Variants in TUSC3 observed in about 807,000 individuals in gnomAD.
TUSC3 encodes the protein dolichyl-diphosphooligosaccharide--protein glycosyltransferase subunit TUSC3.
TUSC3 carries 45 observed loss-of-function variants against 44.8 expected under a neutral mutation model. That is an observed-to-expected ratio of 1.00 (90% CI 0.79 to 1.29). The LOEUF is 1.29. Among genes scored for constraint, TUSC3 ranks in the 50% most tolerant of loss-of-function variants. TUSC3 has a pLI of 0.00. For synonymous variants in TUSC3, 212 were observed against 152.9 expected, an observed-to-expected ratio of 1.39 and a Z score of -2.85; for missense variants, 519 against 437.9, an observed-to-expected ratio of 1.19 and a Z score of -1.65.
chr8:15,633,994 C>G (rs957428719), intron 2 of TUSC3, among the ~76,000 whole-genome samples: 4 of 152,186 alleles, frequency 2.6e-5, no homozygotes, highest in African/African-American at 7.2e-5. Context: ...CCCCAGGTAT[C>G]TGAAGGCTAG....
chr8:15,559,583 G>T lies in TUSC3; in HGVS notation c.138+19015G>T, dbSNP rs1481961041. Among the ~76,000 whole-genome samples, 2 of 140,886 alleles carry T rather than the reference G, an allele frequency of 1.4e-5. 1 individual carries two copies. The highest frequency in any genetic ancestry group is 4.4e-4 in the East Asian group (2 of 4,548). 92.4% of individuals were successfully genotyped at this position (140,886 alleles called of 152,430 possible). The stretch of plus-strand genomic sequence containing the variant: ...TGTTGACTTTCTGTCTCGTTGATCT[G>T]TCTAATGTTGACGGTGGGGTGCTAA... On this transcript the variant is annotated intron_variant, in intron 1 of 10. Coordinates refer to ENST00000503731, the MANE Select transcript of TUSC3 (RefSeq NM_006765.4).
At chr8:15,744,438 T>G (rs1017204820) in intron 8 of TUSC3, among the ~76,000 whole-genome samples, 5 of 152,146 alleles carry the variant, frequency 3.3e-5, no homozygotes, top group Non-Finnish European at 1.5e-5. Flanking sequence ...ATTTTTTTCT[T>G]TCTTTGCATT....
At chr8:15,592,446 C>T (rs984691450) in intron 1 of TUSC3, among the ~76,000 whole-genome samples, 1 of 152,102 alleles carries the variant, frequency 6.6e-6, no homozygotes, top group Non-Finnish European at 1.5e-5. Flanking sequence ...TGGTGGATCC[C>T]TCATGAATGA....
chr8:15,592,854 C>T (rs1418301993), intron 1 of TUSC3, among the ~76,000 whole-genome samples: 7 of 151,946 alleles, frequency 4.6e-5, no homozygotes, highest in African/African-American at 9.7e-5. Context: ...ATGAGGAAAA[C>T]GAGGCAGGAT....
chr8:15,477,883 C>T lies in TUSC3; in HGVS notation n.92-5503C>T, dbSNP rs1800601721. Among the ~76,000 whole-genome samples, 3 of 152,020 alleles carry T rather than the reference C, an allele frequency of 2.0e-5. No individual in the cohort carries two copies. The South Asian group carries it at 6.2e-4, about 32-fold the overall frequency. Reference sequence around the variant, plus strand: ...TGCTTTCCTCTTTCTTGACTATTTTCCAACTAGGCTCCATAACACTACACA... The same window carrying T: ...TGCTTTCCTCTTTCTTGACTATTTTTCAACTAGGCTCCATAACACTACACA... On this transcript the variant is annotated intron_variant and non_coding_transcript_variant, in intron 1 of 5. Coordinates refer to the TUSC3 transcript ENST00000503191.
intron 1 of TUSC3, among the ~76,000 whole-genome samples, chr8:15,574,057 A>C (rs937738707): frequency 2.0e-5 from 3 of 151,966 alleles, no homozygotes; most frequent in African/African-American, 7.2e-5. Context: ...TTTTTGTTTG[A>C]ATCCTTTATT....
At chr8:15,659,941 A>C (rs1357178470) in intron 4 of TUSC3, among the ~76,000 whole-genome samples, 1 of 152,214 alleles carries the variant, frequency 6.6e-6, no homozygotes, top group African/African-American at 2.4e-5. Context: ...AATCAAGGAA[A>C]TTCTAATTAA....
At chr8:15,604,259 A>G (rs1271399166) in intron 1 of TUSC3, among the ~76,000 whole-genome samples, 1 of 151,672 alleles carries the variant, frequency 6.6e-6, no homozygotes, top group Non-Finnish European at 1.5e-5. Context: ...TAGATTTGAG[A>G]AAAACAGTGT....
intron 1 of TUSC3, among the ~76,000 whole-genome samples, chr8:15,461,246 G>C (rs1020948410): frequency 6.6e-6 from 1 of 151,930 alleles, no homozygotes; most frequent in Non-Finnish European, 1.5e-5. Flanking sequence ...TCGCCTCCTT[G>C]TTTAGGTATA....
the TUSC3 span, among the ~76,000 whole-genome samples, chr8:15,838,966 G>A: frequency 3.3e-5 from 5 of 152,036 alleles, no homozygotes; most frequent in African/African-American, 7.2e-5. Flanking sequence ...CCATTTTCAC[G>A]ATATTGATTC....
intron 6 of TUSC3, among the ~76,000 whole-genome samples, chr8:15,676,423 T>C (rs1455967998): frequency 6.6e-6 from 1 of 152,160 alleles, no homozygotes; most frequent in Non-Finnish European, 1.5e-5. Flanking sequence ...CTGTAGGGTG[T>C]CTTTTTAGTC....
At chr8:15,433,655 T>A (rs747458498) in intron 1 of TUSC3, among the ~76,000 whole-genome samples, 3 of 152,118 alleles carry the variant, frequency 2.0e-5, no homozygotes, top group Non-Finnish European at 2.9e-5. Flanking sequence ...CCACTCTAGA[T>A]TAATTTGTCA....
chr8:15,776,838 T>TA, the TUSC3 span, among the ~76,000 whole-genome samples: 1 of 152,148 alleles, frequency 6.6e-6, no homozygotes, highest in African/African-American at 2.4e-5. Flanking sequence ...TCTGTAAGAT[T>TA]AGCCCTTTTA....
intron 6 of TUSC3, among the ~76,000 whole-genome samples, chr8:15,692,368 CCCCTTTG>C (rs1563175824): frequency 1.7e-4 from 17 of 101,486 alleles, no homozygotes; most frequent in Middle Eastern, 5.4e-3. Context: ...CCCCCCCCCC[CCCCTTTG>C]TTTTTTTTTT....
chr8:15,569,746 T>A (rs1202853287), intron 1 of TUSC3, among the ~76,000 whole-genome samples: 1 of 152,156 alleles, frequency 6.6e-6, no homozygotes, highest in Non-Finnish European at 1.5e-5. Flanking sequence ...TTTTGTTGAT[T>A]AGCATAATTT....
At chr8:15,538,305 T>C (rs1441173879), upstream of TUSC3, among the ~76,000 whole-genome samples, 1 of 152,270 alleles carries the variant, frequency 6.6e-6, no homozygotes, top group Non-Finnish European at 1.5e-5. Flanking sequence ...TTCAGAGTGC[T>C]GCAGATTTAT....
intron 6 of TUSC3, among the ~76,000 whole-genome samples, chr8:15,703,894 C>T (rs548569233): frequency 3.3e-4 from 50 of 152,082 alleles, no homozygotes; most frequent in Non-Finnish European, 6.0e-4. Context: ...TTAGCTCATT[C>T]GCTCAGCAAA....
chr8:15,649,956 A>G (rs1313848125), intron 2 of TUSC3, among the ~76,000 whole-genome samples: 2 of 152,122 alleles, frequency 1.3e-5, no homozygotes, highest in Non-Finnish European at 2.9e-5. Flanking sequence ...TCTTATTTCT[A>G]TTACTGCATT....
At chr8:15,483,284 C>G (rs1280642096) in intron 1 of TUSC3, 1 of 189,250 alleles carries the variant, frequency 5.3e-6, no homozygotes, top group Non-Finnish European at 1.1e-5. Context: ...TTTAAAAATC[C>G]TCTAAGATGA....
Sources: allele counts gnomAD v4.1 joint callset (sites outside exome capture counted in the v4.1 genomes callset), GRCh38; gene constraint gnomAD v4.1.1; transcripts MANE v1.5; gene names NCBI Gene and HGNC (gene_info 2026-07-23, HGNC 2026-07-21).